The following GLI3 variants were observed in gnomAD, a reference collection of about 807,000 sequenced individuals.
The protein encoded by GLI3 is GLI family zinc finger 3.
A neutral mutation model predicts 100.8 loss-of-function variants in GLI3; 20 were observed. The observed-to-expected ratio is 0.20, with a 90% CI of 0.14 to 0.29. The LOEUF (loss-of-function observed/expected upper bound fraction) is 0.29, where lower values mean the gene tolerates loss of function less well. GLI3 is among the 10% of genes least tolerant of loss of function. The pLI is 1.00. For missense variants in GLI3, 2,040 were observed against 2,128.5 expected, an observed-to-expected ratio of 0.96 and a Z score of 0.82; for synonymous variants, 938 against 860.5, an observed-to-expected ratio of 1.09 and a Z score of -1.58.
chr7:42,026,071 G>T lies in GLI3; in HGVS notation c.1242+128C>A, dbSNP rs1345256283. On this transcript the variant is annotated intron_variant, in intron 8 of 14. Coordinates refer to ENST00000395925, the MANE Select transcript of GLI3 (RefSeq NM_000168.6). ...ACTGAAGACTAGACCTCAGCATTAA[G>T]AAGACAGGATGCTAGTACAGAGGCT... The T allele has an allele frequency of 4.3e-6, 3 of 703,616 alleles. No homozygotes were observed. The African/African-American group carries it at 5.3e-5, about 12-fold the overall frequency. 43.6% of individuals were successfully genotyped at this position (703,616 alleles called of 1,614,324 possible). A position where few individuals can be genotyped will look rare whatever the true frequency, so the allele number is the denominator to read the frequency against.
At chr7:42,055,094 TACACATATATGTATATATAC>T (rs1784430919) in intron 4 of GLI3, among the ~76,000 whole-genome samples, 2 of 145,358 alleles carry the variant, frequency 1.4e-5, no homozygotes, top group South Asian at 4.3e-4. Flanking sequence ...TATACATATA[TACACATATATGTATATATAC>T]ACATATATAT....
At chr7:42,084,853 C>G (rs1389688000) in intron 3 of GLI3, among the ~76,000 whole-genome samples, 1 of 129,598 alleles carries the variant, frequency 7.7e-6, no homozygotes, top group Admixed American at 8.2e-5. Flanking sequence ...TTTTGTATCA[C>G]AAAATTCAAA....
chr7:42,113,298 C>A, intron 3 of GLI3: 2 of 594,012 alleles, frequency 3.4e-6, no homozygotes, highest in South Asian at 3.0e-5. Flanking sequence ...ACCCCCGGAC[C>A]GACCAAAGCC....
intron 2 of GLI3, among the ~76,000 whole-genome samples, chr7:42,203,602 C>T (rs922675670): frequency 2.0e-5 from 3 of 152,158 alleles, no homozygotes; most frequent in African/African-American, 7.2e-5. Context: ...ATGTATATAA[C>T]ACATTTTCTT....
intron 2 of GLI3, among the ~76,000 whole-genome samples, chr7:42,188,918 A>C (rs941338386): frequency 6.6e-5 from 10 of 152,200 alleles, no homozygotes; most frequent in Non-Finnish European, 1.3e-4. Flanking sequence ...TGGCAGATAC[A>C]CATCACTATC....
chr7:42,048,663 C>T lies in GLI3; in HGVS notation c.507G>A (p.Pro169=), dbSNP rs759525362. ...TSALSSSPTY[P]DLPFIRISPH... is the part of the protein sequence containing the mutation. ...GGGAGATCCTAATGAAGGGCAGGTC[C>T]GGATACGTAGGGCTACTAGATAAGG... The change falls in exon 5 of 15, where the codon CCG becomes CCA. Residue 169 remains proline (P), a synonymous_variant. Coordinates refer to ENST00000395925, the MANE Select transcript of GLI3 (RefSeq NM_000168.6). The T allele has an allele frequency of 1.8e-5, 29 of 1,609,576 alleles. 1 individual carries two copies. In the South Asian group the frequency reaches 2.4e-4, roughly 13 times the overall value.
At chr7:42,007,026 G>A (rs189107967) in intron 10 of GLI3, among the ~76,000 whole-genome samples, 32 of 152,124 alleles carry the variant, frequency 2.1e-4, no homozygotes, top group African/African-American at 7.2e-4. Flanking sequence ...TCTCCCAGGT[G>A]TTTTTAGCTC....
intron 3 of GLI3, chr7:42,118,143 T>C: frequency 2.6e-6 from 1 of 390,290 alleles, no homozygotes; most frequent in Non-Finnish European, 4.5e-6. Flanking sequence ...AATATTCTCA[T>C]CCCCTTTAAA....
intron 7 of GLI3, among the ~76,000 whole-genome samples, chr7:42,028,695 C>T (rs139953579): frequency 2.0e-3 from 304 of 151,848 alleles, no homozygotes; most frequent in African/African-American, 7.0e-3. Flanking sequence ...ACTGGAGAGG[C>T]GGAGGTTGCG....
chr7:42,249,431 C>A (rs1056137387), intron 1 of GLI3, among the ~76,000 whole-genome samples: 4 of 152,124 alleles, frequency 2.6e-5, no homozygotes, highest in African/African-American at 9.7e-5. Context: ...AAGCTTGTCA[C>A]CTTACAAAAA....
chr7:42,213,798 T>A (rs1788318239), intron 2 of GLI3, among the ~76,000 whole-genome samples: 1 of 152,238 alleles, frequency 6.6e-6, no homozygotes, highest in African/African-American at 2.4e-5. Context: ...TATCTGTAAA[T>A]TACTTTTCGT....
At chr7:42,009,895 T>TCA (rs1583785674) in intron 10 of GLI3, among the ~76,000 whole-genome samples, 2 of 152,220 alleles carry the variant, frequency 1.3e-5, no homozygotes, top group Admixed American at 1.3e-4. Context: ...TCTGTGGCCA[T>TCA]CAGGACCCAC....
chr7:42,156,161 A>G (rs914843249), intron 2 of GLI3, among the ~76,000 whole-genome samples: 3 of 152,228 alleles, frequency 2.0e-5, no homozygotes, highest in Non-Finnish European at 4.4e-5. Flanking sequence ...AGGAAAATAT[A>G]AACAAAACAG....
chr7:42,118,085 A>AT (rs1163313117), intron 3 of GLI3: 9 of 368,018 alleles, frequency 2.4e-5, no homozygotes, highest in East Asian at 1.9e-4. Flanking sequence ...TCATACAGGG[A>AT]TTTTTTTCTT....
chr7:42,017,733 C>T (rs759329029), intron 10 of GLI3, among the ~76,000 whole-genome samples: 11 of 152,218 alleles, frequency 7.2e-5, no homozygotes, highest in African/African-American at 1.9e-4. Flanking sequence ...TTCAGTCTAG[C>T]GTACATCCCA....
chr7:42,104,038 G>T (rs544933687), intron 3 of GLI3, among the ~76,000 whole-genome samples: 1 of 152,270 alleles, frequency 6.6e-6, no homozygotes, highest in South Asian at 2.1e-4. Context: ...ACTGTTCACT[G>T]TATCTCTGAG....
At chr7:42,224,437 A>G (rs1324848603) in intron 1 of GLI3, among the ~76,000 whole-genome samples, 1 of 152,218 alleles carries the variant, frequency 6.6e-6, no homozygotes, top group Non-Finnish European at 1.5e-5. Context: ...TTCATTGTAT[A>G]ATAAATTCCT....
intron 2 of GLI3, among the ~76,000 whole-genome samples, chr7:42,196,630 C>G (rs191060659): frequency 6.6e-6 from 1 of 152,168 alleles, no homozygotes; most frequent in Non-Finnish European, 1.5e-5. Context: ...TATCTTAGTT[C>G]CACCTTATGA....
chr7:41,982,327 A>G (rs1008705135), intron 10 of GLI3, among the ~76,000 whole-genome samples: 4 of 152,210 alleles, frequency 2.6e-5, no homozygotes, highest in Admixed American at 6.5e-5. Flanking sequence ...TTTAAGCTTA[A>G]CATATTTCCT....
Sources: allele counts gnomAD v4.1 joint callset (sites outside exome capture counted in the v4.1 genomes callset), GRCh38; gene constraint gnomAD v4.1.1; transcripts MANE v1.5; gene names NCBI Gene and HGNC (gene_info 2026-07-23, HGNC 2026-07-21).